Variants in NRG3 observed in about 807,000 individuals in gnomAD.
The protein encoded by NRG3 is neuregulin 3, also known as pro-neuregulin-3, membrane-bound isoform.
NRG3 carries 31 observed loss-of-function variants against 66.9 expected under a neutral mutation model. That is an observed-to-expected ratio of 0.46 (90% CI 0.35 to 0.63). The LOEUF is 0.63. NRG3 is among the 20% of genes least tolerant of loss of function. The probability of loss-of-function intolerance (pLI) is 0.00; values close to 1 mark genes in which losing one functional copy is unlikely to be tolerated. For missense variants in NRG3, 910 were observed against 878.9 expected (o/e 1.04, Z -0.45); for synonymous variants, 393 against 359.4 (o/e 1.09, Z -1.06).
chr10:81,992,195 A>T (rs578181877), intron 1 of NRG3, among the ~76,000 whole-genome samples: 1 of 152,266 alleles, frequency 6.6e-6, no homozygotes, highest in African/African-American at 2.4e-5. Flanking sequence ...TTAAAAAATA[A>T]AATTATTTTT....
chr10:82,117,902 A>G (rs1418447499), intron 1 of NRG3, among the ~76,000 whole-genome samples: 1 of 152,212 alleles, frequency 6.6e-6, no homozygotes, highest in Non-Finnish European at 1.5e-5. Context: ...CTGTGCTTAC[A>G]TTTCGCCTTC....
intron 1 of NRG3, among the ~76,000 whole-genome samples, chr10:82,341,491 C>T (rs1236138771): frequency 3.3e-5 from 5 of 152,044 alleles, no homozygotes; most frequent in Non-Finnish European, 7.4e-5. Flanking sequence ...TTATTCCAAG[C>T]ATTATTACTG....
At chr10:82,447,230 T>G (rs1283899592) in intron 2 of NRG3, among the ~76,000 whole-genome samples, 1 of 152,196 alleles carries the variant, frequency 6.6e-6, no homozygotes, top group East Asian at 1.9e-4. Flanking sequence ...CGAGCTTCTT[T>G]CTTTCTGAGA....
At chr10:82,007,955 A>G (rs987651055) in intron 1 of NRG3, among the ~76,000 whole-genome samples, 4 of 152,140 alleles carry the variant, frequency 2.6e-5, no homozygotes, top group African/African-American at 9.7e-5. Context: ...TCTCTCAGAA[A>G]CAACTTCTAT....
At chr10:82,907,014 G>T (rs1197224060) in intron 4 of NRG3, among the ~76,000 whole-genome samples, 1 of 152,200 alleles carries the variant, frequency 6.6e-6, no homozygotes, top group Non-Finnish European at 1.5e-5. Context: ...TCACTTCAGA[G>T]AAAAGTGTAA....
intron 2 of NRG3, among the ~76,000 whole-genome samples, chr10:82,647,126 A>G (rs913837155): frequency 3.3e-5 from 5 of 151,788 alleles, no homozygotes; most frequent in Non-Finnish European, 5.9e-5. Flanking sequence ...TTAGCATTAG[A>G]TATATCTCCT....
chr10:81,979,812 G>A (rs151041690), intron 1 of NRG3, among the ~76,000 whole-genome samples: 9 of 152,272 alleles, frequency 5.9e-5, no homozygotes, highest in South Asian at 2.1e-4. Flanking sequence ...CAGATCAGAA[G>A]TGAAAATTTT....
intron 1 of NRG3, among the ~76,000 whole-genome samples, chr10:81,988,791 G>C (rs1418819952): frequency 6.6e-6 from 1 of 151,952 alleles, no homozygotes; most frequent in African/African-American, 2.4e-5. Flanking sequence ...GAGAACTTGT[G>C]GTCTTAGCAG....
chr10:82,471,465 A>G (rs1395781060), intron 2 of NRG3, among the ~76,000 whole-genome samples: 1 of 152,146 alleles, frequency 6.6e-6, no homozygotes, highest in Non-Finnish European at 1.5e-5. Context: ...GCATTTCTTA[A>G]TGTTCCTCCT....
chr10:81,960,117 C>T (rs1850211517), intron 1 of NRG3, among the ~76,000 whole-genome samples: 1 of 152,032 alleles, frequency 6.6e-6, no homozygotes, highest in Admixed American at 6.6e-5. Flanking sequence ...ATGGTTGCGG[C>T]ACATGTTCTA....
At chr10:82,373,621 A>G (rs977636405) in intron 2 of NRG3, among the ~76,000 whole-genome samples, 8 of 152,250 alleles carry the variant, frequency 5.3e-5, no homozygotes, top group African/African-American at 1.9e-4. Context: ...GGCTAATAAT[A>G]GGACAAGGGA....
intron 2 of NRG3, among the ~76,000 whole-genome samples, chr10:82,709,148 G>T (rs143179133): frequency 0.011 from 1,694 of 152,206 alleles, 29 homozygotes; most frequent in African/African-American, 0.038. Context: ...TGATGAATAT[G>T]TAAGTTGAAT....
At chr10:82,740,906 T>C (rs1218367651) in intron 3 of NRG3, among the ~76,000 whole-genome samples, 1 of 152,010 alleles carries the variant, frequency 6.6e-6, no homozygotes, top group Admixed American at 6.5e-5. Flanking sequence ...AAATTACTTT[T>C]ATATAAAATT....
At chr10:82,592,515 G>A (rs373411151) in intron 2 of NRG3, among the ~76,000 whole-genome samples, 21 of 152,146 alleles carry the variant, frequency 1.4e-4, no homozygotes, top group Admixed American at 1.2e-3. Flanking sequence ...TTCGTGGGTA[G>A]CTTGTACTCT....
chr10:81,935,513 A>G (rs1847773411), intron 1 of NRG3, among the ~76,000 whole-genome samples: 1 of 152,188 alleles, frequency 6.6e-6, no homozygotes, highest in Non-Finnish European at 1.5e-5. Context: ...TTTAATTGCC[A>G]TACTTTGTTA....
chr10:82,431,946 T>C (rs959702916), intron 2 of NRG3, among the ~76,000 whole-genome samples: 15 of 152,206 alleles, frequency 9.9e-5, no homozygotes, highest in African/African-American at 3.6e-4. Flanking sequence ...AACTTATTCT[T>C]TAATCACTCT....
chr10:82,629,402 C>T (rs1194806901), intron 2 of NRG3, among the ~76,000 whole-genome samples: 3 of 152,190 alleles, frequency 2.0e-5, no homozygotes, highest in African/African-American at 7.2e-5. Flanking sequence ...CTTCTGGAAA[C>T]AATTTCTTAA....
At chr10:82,170,654 GTATATATATATATATATATATATA>G (rs370773918) in intron 1 of NRG3, among the ~76,000 whole-genome samples, 8,897 of 74,278 alleles carry the variant, frequency 0.12, 525 homozygotes, top group South Asian at 0.28. Flanking sequence ...AAAACTTGTG[GTATATATATATATATATATATATA>G]TATATATATA....
At chr10:82,361,179 A>C (rs1008579398) in intron 2 of NRG3, among the ~76,000 whole-genome samples, 3 of 152,206 alleles carry the variant, frequency 2.0e-5, no homozygotes, top group African/African-American at 7.2e-5. Flanking sequence ...TGTAACACAC[A>C]TAAGCAGATA....
Sources: gnomAD v4.1 joint callset for allele counts (sites outside exome capture counted in the v4.1 genomes callset) on GRCh38, gnomAD v4.1.1 for gene constraint, MANE v1.5 for transcripts, NCBI Gene and HGNC (gene_info 2026-07-23, HGNC 2026-07-21) for gene names.